The following XPR1 variants were observed in gnomAD, a reference collection of about 807,000 sequenced individuals.
XPR1 encodes the protein xenotropic and polytropic retrovirus receptor 1, also known as solute carrier family 53 member 1.
In XPR1, 28 loss-of-function variants were observed where a neutral mutation model predicts 87.5. The ratio of observed to expected loss-of-function variants is 0.32; its 90% CI spans 0.24 to 0.44. The LOEUF is 0.44. Ranked by LOEUF, XPR1 falls within the 20% of genes least tolerant of loss-of-function variation. The probability of loss-of-function intolerance (pLI) is 1.00; values close to 1 mark genes in which losing one functional copy is unlikely to be tolerated. For missense variants in XPR1, 559 were observed against 862.3 expected (o/e 0.65, Z 4.41); for synonymous variants, 300 against 306.1 (o/e 0.98, Z 0.21).
intron 2 of XPR1, among the ~76,000 whole-genome samples, chr1:180,751,054 A>C (rs1245206099): frequency 1.3e-5 from 2 of 151,968 alleles, no homozygotes; most frequent in Non-Finnish European, 2.9e-5. Flanking sequence ...TTTATTTTGC[A>C]GTCATTTATT....
At chr1:180,831,363 T>TTTTTCTTTTTC (rs58338852) in intron 9 of XPR1, among the ~76,000 whole-genome samples, 1 of 93,518 alleles carries the variant, frequency 1.1e-5, no homozygotes, top group Non-Finnish European at 2.2e-5. Flanking sequence ...TTTCTTTTTC[T>TTTTTCTTTTTC]TTTTTTTTTT....
At chr1:180,659,426 T>G (rs1375892936) in intron 1 of XPR1, among the ~76,000 whole-genome samples, 1 of 89,318 alleles carries the variant, frequency 1.1e-5, no homozygotes, top group Non-Finnish European at 2.1e-5. Context: ...CTTCCTTCCT[T>G]CCTTCCTTCC....
chr1:180,794,838 G>A (rs1314465579), intron 3 of XPR1, among the ~76,000 whole-genome samples: 2 of 152,182 alleles, frequency 1.3e-5, no homozygotes, highest in Non-Finnish European at 2.9e-5. Flanking sequence ...TTTTGAGGCT[G>A]AAGTTGTAAG....
intron 2 of XPR1, among the ~76,000 whole-genome samples, chr1:180,717,647 A>G (rs1335059454): frequency 6.6e-6 from 1 of 152,180 alleles, no homozygotes; most frequent in Non-Finnish European, 1.5e-5. Flanking sequence ...AGAGTCTGTG[A>G]TGGAAACTTC....
chr1:180,695,550 GT>G (rs1299095948), intron 2 of XPR1, among the ~76,000 whole-genome samples: 1 of 152,070 alleles, frequency 6.6e-6, no homozygotes. Context: ...TCTTCTGGTA[GT>G]TTTATAGTTT....
At chr1:180,723,287 A>T (rs1261822562) in intron 2 of XPR1, among the ~76,000 whole-genome samples, 2 of 152,222 alleles carry the variant, frequency 1.3e-5, no homozygotes, top group Non-Finnish European at 2.9e-5. Flanking sequence ...TACAACTTAA[A>T]ATACTTCTGA....
chr1:180,715,520 T>A (rs1469821281), intron 2 of XPR1, among the ~76,000 whole-genome samples: 1 of 152,174 alleles, frequency 6.6e-6, no homozygotes, highest in East Asian at 1.9e-4. Context: ...GGATTTTCAG[T>A]TTCTGGAGGG....
chr1:180,777,668 A>G (rs1648774452), intron 2 of XPR1, among the ~76,000 whole-genome samples: 1 of 152,144 alleles, frequency 6.6e-6, no homozygotes, highest in South Asian at 2.1e-4. Context: ...CCATCTGTTG[A>G]TGTAATAGCA....
intron 2 of XPR1, among the ~76,000 whole-genome samples, chr1:180,776,829 T>C (rs1178443097): frequency 1.3e-5 from 2 of 152,168 alleles, no homozygotes; most frequent in Admixed American, 6.5e-5. Context: ...TTGATTTTTT[T>C]CTCAATTACA....
chr1:180,745,620 T>G (rs1166439503), intron 2 of XPR1, among the ~76,000 whole-genome samples: 1 of 152,184 alleles, frequency 6.6e-6, no homozygotes, highest in Non-Finnish European at 1.5e-5. Flanking sequence ...CAGTGAATGT[T>G]AAGAAATCCC....
intron 1 of XPR1, among the ~76,000 whole-genome samples, chr1:180,665,294 C>T (rs144989139): frequency 6.6e-6 from 1 of 152,316 alleles, no homozygotes; most frequent in East Asian, 1.9e-4. Context: ...GATCCAAGTA[C>T]CTCCACCTGG....
chr1:180,814,303 G>A (rs1332113854), intron 7 of XPR1, among the ~76,000 whole-genome samples: 1 of 152,136 alleles, frequency 6.6e-6, no homozygotes, highest in African/African-American at 2.4e-5. Flanking sequence ...ATGATGTAGT[G>A]TTGCTATAAT....
Position 180,834,934 on chromosome 1 carries a change from C to G in XPR1, c.1195C>G (p.Gln399Glu). Residue 399 changes from glutamine (Q) to glutamate (E), a missense_variant, in exon 10 of 15, where the codon CAG becomes GAG. This residue lies in a region of XPR1 where 264 missense variants were observed against 377.2 expected (regional missense o/e 0.70). Coordinates refer to ENST00000367590, the MANE Select transcript of XPR1 (RefSeq NM_004736.4). ...VGFADFWLAD[Q>E]LNSLSVILMD... is the part of the protein sequence containing the mutation. ...CTTTGCTGATTTCTGGCTGGCGGAT[C>G]AGCTGAACAGCCTGTCAGTGATACT... 3 of 1,613,864 alleles carry G rather than the reference C, an allele frequency of 1.9e-6. No homozygotes were observed. Among genetic ancestry groups the G allele is most frequent in the Non-Finnish European group, 2.5e-6 (3 of 1,179,946 alleles).
At chr1:180,658,311 C>T (rs1054960307) in intron 1 of XPR1, among the ~76,000 whole-genome samples, 9 of 152,202 alleles carry the variant, frequency 5.9e-5, no homozygotes, top group Admixed American at 3.9e-4. Flanking sequence ...CTAGCTAGCA[C>T]TTCTAGTGCT....
chr1:180,802,570 G>A (rs181629537), intron 3 of XPR1, among the ~76,000 whole-genome samples: 70 of 152,234 alleles, frequency 4.6e-4, no homozygotes, highest in African/African-American at 1.5e-3. Flanking sequence ...CTTAAGGTTT[G>A]TAATTCCATG....
chr1:180,874,136 C>T lies in XPR1; in HGVS notation c.1808+194C>T, dbSNP rs1350659312. On this transcript the variant is annotated intron_variant, in intron 13 of 14. Coordinates refer to ENST00000367590, the MANE Select transcript of XPR1 (RefSeq NM_004736.4). The stretch of plus-strand genomic sequence containing the variant: ...TCTCGAACTCTTGACCTCAGTTGAT[C>T]CACCCACCTCGGCCTCCCAAAGTGC... 36 of 600,576 alleles carry T rather than the reference C, an allele frequency of 6.0e-5. No homozygotes were observed. In the Middle Eastern group the frequency reaches 1.4e-3, roughly 23 times the overall value. The allele number at this position is 600,576 out of a possible 1,614,324, so 37.2% of individuals were successfully genotyped here.
At chr1:180,648,630 C>T (rs1465633413) in intron 1 of XPR1, among the ~76,000 whole-genome samples, 2 of 152,278 alleles carry the variant, frequency 1.3e-5, no homozygotes, top group African/African-American at 4.8e-5. Flanking sequence ...CCTCAGCCTC[C>T]TGAGTAGCTG....
intron 9 of XPR1, among the ~76,000 whole-genome samples, chr1:180,833,350 G>T (rs12059839): frequency 6.6e-6 from 1 of 152,098 alleles, no homozygotes; most frequent in Non-Finnish European, 1.5e-5. Context: ...ATGTGAACAG[G>T]CTAAATGCCC....
At chr1:180,850,725 A>C (rs1274372044) in intron 11 of XPR1, among the ~76,000 whole-genome samples, 1 of 152,170 alleles carries the variant, frequency 6.6e-6, no homozygotes, top group Non-Finnish European at 1.5e-5. Flanking sequence ...TGGGATGCCA[A>C]GTTGGGAGGA....
Sources: allele counts gnomAD v4.1 joint callset (sites outside exome capture counted in the v4.1 genomes callset), GRCh38; gene constraint gnomAD v4.1.1; regional missense constraint gnomAD v4.1.1; transcripts MANE v1.5; gene names NCBI Gene and HGNC (gene_info 2026-07-23, HGNC 2026-07-21).